Variants in CNOT1 observed in about 807,000 individuals in gnomAD.
CNOT1 encodes CCR4-NOT transcription complex subunit 1.
In CNOT1, 15 loss-of-function variants were observed where a neutral mutation model predicts 273.8. That is an observed-to-expected ratio of 0.05 (90% CI 0.04 to 0.08). CNOT1 has a LOEUF of 0.08. Among genes scored for constraint, CNOT1 ranks in the 10% least tolerant of loss-of-function variants. The probability of loss-of-function intolerance (pLI) is 1.00; values close to 1 mark genes in which losing one functional copy is unlikely to be tolerated. For missense variants in CNOT1, 1,644 were observed against 2,912.2 expected (o/e 0.56, Z 10.02); for synonymous variants, 1,022 against 1,005.5 (o/e 1.02, Z -0.31).
intron 1 of CNOT1, among the ~76,000 whole-genome samples, chr16:58,622,584 C>A (rs879324572): frequency 1.3e-5 from 2 of 152,118 alleles, no homozygotes; most frequent in Non-Finnish European, 2.9e-5. Flanking sequence ...TATAGGCTCA[C>A]GCCTATAATC....
At chr16:58,539,545 T>C (rs1290295563) in intron 35 of CNOT1, among the ~76,000 whole-genome samples, 1 of 151,646 alleles carries the variant, frequency 6.6e-6, no homozygotes, top group East Asian at 1.9e-4. Context: ...TCAAATCACA[T>C]TTCCAGAATA....
intron 14 of CNOT1, 80 bp downstream of exon 14, chr16:58,576,383 T>C: frequency 6.3e-7 from 1 of 1,587,060 alleles, no homozygotes; most frequent in South Asian, 1.1e-5. Context: ...AGTGCTGGGA[T>C]TACAGGCATG....
At chr16:58,570,435 C>T (rs139169324) in intron 16 of CNOT1, among the ~76,000 whole-genome samples, 2 of 152,174 alleles carry the variant, frequency 1.3e-5, no homozygotes, top group South Asian at 2.1e-4. Flanking sequence ...CCCAGAGGTT[C>T]GACACCAGAC....
rs764428095 is a variant in CNOT1, at chr16:58,587,792, C to T, written c.297G>A (p.Leu99=). 4.3e-5 allele frequency: 69 copies of T among 1,613,698 alleles called. No individual in the cohort carries two copies. In the South Asian group the frequency reaches 7.6e-4, roughly 18 times the overall value. The change falls in exon 4 of 49, where the codon TTG becomes TTA. Residue 99 remains leucine, a synonymous_variant. Transcript: ENST00000317147. ...STLSYAIDNP[L]HYQKSLKPAP... ...TAGTAATACCAACCTTCTGATAGTG[C>T]AATGGATTATCAATGGCATAGGACA...
At chr16:58,593,592 G>A (rs1419828484) in intron 2 of CNOT1, among the ~76,000 whole-genome samples, 2 of 150,090 alleles carry the variant, frequency 1.3e-5, no homozygotes, top group East Asian at 3.9e-4. Flanking sequence ...AAGTTAGCCA[G>A]GCATGGTAGC....
At chr16:58,596,374 T>G (rs2042248980) in intron 2 of CNOT1, among the ~76,000 whole-genome samples, 1 of 152,210 alleles carries the variant, frequency 6.6e-6, no homozygotes, top group Admixed American at 6.6e-5. Flanking sequence ...CTTGCTCATC[T>G]TCCTTATCTT....
intron 3 of CNOT1, 124 bp from the exon 4 acceptor site, chr16:58,588,002 G>A (rs1346141881): frequency 4.8e-6 from 5 of 1,036,010 alleles, no homozygotes; most frequent in African/African-American, 1.6e-5. Context: ...ATCAAAATCG[G>A]CTCTTTAAAA....
At chr16:58,570,263 G>C (rs1014725795) in intron 16 of CNOT1, among the ~76,000 whole-genome samples, 7 of 152,182 alleles carry the variant, frequency 4.6e-5, no homozygotes, top group African/African-American at 1.7e-4. Flanking sequence ...AAAAAACACT[G>C]AACACTGACC....
At chr16:58,626,669 A>T (rs2043598337) in intron 1 of CNOT1, among the ~76,000 whole-genome samples, 1 of 151,732 alleles carries the variant, frequency 6.6e-6, no homozygotes, top group African/African-American at 2.4e-5. Context: ...CTGGGGCAGG[A>T]GAATCGCTTG....
At chr16:58,530,096 A>T in intron 43 of CNOT1, 150 bp downstream of exon 43, 1 of 566,344 alleles carries the variant, frequency 1.8e-6, no homozygotes, top group Non-Finnish European at 3.1e-6. Flanking sequence ...TTTGGGTGCT[A>T]GTTATGCAAG....
chr16:58,539,351 G>C (rs2040007231), intron 35 of CNOT1, among the ~76,000 whole-genome samples: 5 of 151,928 alleles, frequency 3.3e-5, no homozygotes, highest in Admixed American at 3.3e-4. Flanking sequence ...AAATTAGCTT[G>C]GCTTGGCAGT....
chr16:58,533,891 A>T (rs1266035992), intron 40 of CNOT1, among the ~76,000 whole-genome samples: 2 of 152,154 alleles, frequency 1.3e-5, no homozygotes, highest in Non-Finnish European at 2.9e-5. Context: ...GCACTACGGG[A>T]AGCCAAGGCA....
At chr16:58,594,898 T>C (rs966234459) in intron 2 of CNOT1, among the ~76,000 whole-genome samples, 31 of 151,222 alleles carry the variant, frequency 2.0e-4, no homozygotes, top group African/African-American at 7.5e-4. Flanking sequence ...AGGTGGATCA[T>C]GAGGTAAGGA....
chr16:58,574,709 TAGA>T lies in CNOT1; in HGVS notation c.1876_1878del (p.Ser626del). On this transcript the variant is annotated inframe_deletion, in exon 16 of 49. Coordinates refer to ENST00000317147, the MANE Select transcript of CNOT1 (RefSeq NM_016284.5). ...TTTTCTGGGGCAAGTCCGCCCAAAA[TAGA>T]AGGACACCGTCTCTTTAAAAAAGTC... is the stretch of plus-strand genomic sequence containing the variant. 4 of 1,608,060 alleles carry T rather than the reference TAGA, an allele frequency of 2.5e-6. No homozygotes were observed. Among genetic ancestry groups the T allele is most frequent in the South Asian group, 1.1e-5 (1 of 90,278 alleles).
At chr16:58,544,704 AAAGT>A (rs1485451543) in intron 30 of CNOT1, among the ~76,000 whole-genome samples, 1 of 152,236 alleles carries the variant, frequency 6.6e-6, no homozygotes, top group East Asian at 1.9e-4. Flanking sequence ...CAGTTTCTAA[AAAGT>A]AAGGACAATG....
In CNOT1 at chr16:58,564,301, A is replaced by T. The variant is rs567124906; in HGVS notation, c.1980-3939T>A. On this transcript the variant is annotated intron_variant, in intron 16 of 48. Transcript: ENST00000317147. ...GAGTTTTGACTTTAAAACCACACCT[A>T]TATTTTACCAATCACAAAAACAAAA... Among the ~76,000 whole-genome samples the T allele has an allele frequency of 5.9e-5, 9 of 152,218 alleles. 1 individual carries two copies. In the South Asian group the frequency reaches 1.9e-3, roughly 32 times the overall value.
At chr16:58,551,333 C>T (rs2040441834) in intron 23 of CNOT1, 61 bp from the exon 24 acceptor site, 1 of 1,475,208 alleles carries the variant, frequency 6.8e-7, no homozygotes, top group African/African-American at 1.4e-5. Context: ...TGAAAAAAAT[C>T]CAATAATGTA....
intron 30 of CNOT1, 62 bp from the exon 31 acceptor site, chr16:58,543,965 G>A: frequency 3.3e-6 from 5 of 1,498,634 alleles, no homozygotes; most frequent in Non-Finnish European, 4.4e-6. Context: ...AATTCCTACT[G>A]GCAATCACAT....
intron 38 of CNOT1, 48 bp from the exon 39 acceptor site, chr16:58,537,268 T>A (rs1159734355): frequency 1.3e-6 from 2 of 1,537,344 alleles, no homozygotes; most frequent in Non-Finnish European, 1.8e-6. Context: ...GTAGTTGTGA[T>A]TTTACAGACA....
Sources: gnomAD v4.1 joint callset for allele counts (sites outside exome capture counted in the v4.1 genomes callset) on GRCh38, gnomAD v4.1.1 for gene constraint, MANE v1.5 for transcripts, NCBI Gene and HGNC (gene_info 2026-07-23, HGNC 2026-07-21) for gene names.